The following EGLN1 variants were observed in gnomAD, a reference collection of about 807,000 sequenced individuals.
EGLN1 encodes the protein egl-9 family hypoxia inducible factor 1.
Under a neutral mutation model 38.3 loss-of-function variants are expected in EGLN1, and 17 were observed. The ratio of observed to expected loss-of-function variants is 0.44; its 90% confidence interval spans 0.30 to 0.67. The LOEUF is 0.67. Among genes scored for constraint, EGLN1 ranks in the 30% least tolerant of loss-of-function variants. The pLI is 0.08. For synonymous variants in EGLN1, 283 were observed against 257.5 expected (o/e 1.10, Z -0.95); for missense variants, 477 against 603.3 (o/e 0.79, Z 2.19).
At chr1:231,401,383 A>G (rs1164267632) in intron 1 of EGLN1, among the ~76,000 whole-genome samples, 1 of 152,208 alleles carries the variant, frequency 6.6e-6, no homozygotes, top group African/African-American at 2.4e-5. Flanking sequence ...TTGGTACACA[A>G]TAAGCATTCA....
intron 3 of EGLN1, among the ~76,000 whole-genome samples, chr1:231,368,000 G>C (rs764356613): frequency 1.3e-5 from 2 of 152,010 alleles, no homozygotes; most frequent in Non-Finnish European, 2.9e-5. Context: ...TGGCCAATAG[G>C]GTGAAACCCC....
intron 1 of EGLN1, among the ~76,000 whole-genome samples, chr1:231,399,285 T>A (rs966993128): frequency 1.3e-5 from 2 of 152,128 alleles, no homozygotes; most frequent in Non-Finnish European, 2.9e-5. Flanking sequence ...TATAAAGGAA[T>A]TACCCCTATT....
chr1:231,418,597 T>C (rs1538667), intron 1 of EGLN1, among the ~76,000 whole-genome samples: 22,941 of 152,104 alleles, frequency 0.15, 2,129 homozygotes, highest in African/African-American at 0.25. Flanking sequence ...GGTGAGGTGG[T>C]TCAAGTCTGT....
chr1:231,414,531 G>A (rs1284927027), intron 1 of EGLN1, among the ~76,000 whole-genome samples: 1 of 152,118 alleles, frequency 6.6e-6, no homozygotes, highest in African/African-American at 2.4e-5. Flanking sequence ...AGGGCAAACG[G>A]CTTTAAATAG....
At chr1:231,383,083 A>C (rs943384739) in intron 1 of EGLN1, among the ~76,000 whole-genome samples, 1 of 140,164 alleles carries the variant, frequency 7.1e-6, no homozygotes, top group Non-Finnish European at 1.6e-5. Flanking sequence ...AAAAAAAAAA[A>C]AAAGGTGCTT....
chr1:231,394,544 AATTT>A (rs1196959223), intron 1 of EGLN1, among the ~76,000 whole-genome samples: 1 of 84,248 alleles, frequency 1.2e-5, no homozygotes, highest in Non-Finnish European at 2.8e-5. Flanking sequence ...ACGCCCGACT[AATTT>A]TTTTTTTTTT....
At chr1:231,366,922 G>C (rs567111958) in intron 4 of EGLN1, among the ~76,000 whole-genome samples, 11 of 152,326 alleles carry the variant, frequency 7.2e-5, no homozygotes, top group Non-Finnish European at 7.3e-5. Flanking sequence ...TTTGGAGATA[G>C]AAAGTAGAGT....
At chr1:231,384,331 CAGGAAA>C (rs1319887702) in intron 1 of EGLN1, among the ~76,000 whole-genome samples, 1 of 148,684 alleles carries the variant, frequency 6.7e-6, no homozygotes, top group Non-Finnish European at 1.5e-5. Flanking sequence ...TTTATTCTAG[CAGGAAA>C]AGAAAGAGAA....
intron 1 of EGLN1, among the ~76,000 whole-genome samples, chr1:231,399,125 C>T (rs1688603250): frequency 1.3e-5 from 2 of 152,156 alleles, no homozygotes; most frequent in South Asian, 4.1e-4. Context: ...ATCAACAGTT[C>T]AGTGACGGTA....
At chr1:231,406,590 G>T (rs513913) in intron 1 of EGLN1, among the ~76,000 whole-genome samples, 23,134 of 151,980 alleles carry the variant, frequency 0.15, 2,128 homozygotes, top group African/African-American at 0.24. Flanking sequence ...CTAAAGGCAG[G>T]GAGGGAGCAA....
intron 1 of EGLN1, among the ~76,000 whole-genome samples, chr1:231,384,125 G>C (rs948525557): frequency 1.3e-5 from 2 of 152,062 alleles, no homozygotes; most frequent in Non-Finnish European, 2.9e-5. Flanking sequence ...GCAACAGTAA[G>C]AGTGTGAAAC....
chr1:231,420,913 T>C, intron 1 of EGLN1, 85 bp downstream of exon 1: 1 of 1,611,652 alleles, frequency 6.2e-7, no homozygotes, highest in South Asian at 1.1e-5. Context: ...GGAATGCTGC[T>C]TCTCAGCCTA....
intron 1 of EGLN1, among the ~76,000 whole-genome samples, chr1:231,380,988 T>C (rs1688067391): frequency 6.6e-6 from 1 of 152,148 alleles, no homozygotes; most frequent in Admixed American, 6.6e-5. Context: ...GGCGTGATCA[T>C]GGTTCACTGC....
At chr1:231,407,206 C>A (rs1309175586) in intron 1 of EGLN1, among the ~76,000 whole-genome samples, 4 of 152,152 alleles carry the variant, frequency 2.6e-5, no homozygotes, top group Admixed American at 6.5e-5. Flanking sequence ...TACACTCCAC[C>A]ATGGCCCTCT....
At chr1:231,420,901 G>T in intron 1 of EGLN1, 97 bp downstream of exon 1, 1 of 1,609,568 alleles carries the variant, frequency 6.2e-7, no homozygotes, top group East Asian at 2.2e-5. Context: ...CTTCTATATA[G>T]AGGAATGCTG....
chr1:231,384,827 C>T (rs1267831815), intron 1 of EGLN1, among the ~76,000 whole-genome samples: 1 of 152,232 alleles, frequency 6.6e-6, no homozygotes, highest in Non-Finnish European at 1.5e-5. Flanking sequence ...ATTACATATT[C>T]TCTATGGCTG....
chr1:231,364,542 C>T lies in EGLN1; in HGVS notation c.*1869G>A, dbSNP rs560290409. The T allele has an allele frequency of 6.6e-5, 10 of 152,278 alleles. No homozygotes were observed. Among genetic ancestry groups the T allele is most frequent in the African/African-American group, 1.9e-4 (8 of 41,532 alleles). 9.4% of individuals were successfully genotyped at this position (152,278 alleles called of 1,614,324 possible). On this transcript the variant is annotated 3_prime_UTR_variant, in exon 5 of 5. Transcript: ENST00000366641. The stretch of plus-strand genomic sequence containing the variant: ...CTATCACTTTCTCCTGCAAATTCTC[C>T]TAAGTGAGATCACTATACTGAACAT...
rs1346719057 is a variant in EGLN1, at chr1:231,421,759, T to C, written c.130A>G (p.Lys44Glu). 1.3e-6 allele frequency: 2 copies of C among 1,554,240 alleles called. No individual in the cohort carries two copies. Residue 44 changes from lysine (K) to glutamate (E), a missense_variant, in exon 1 of 5, where the codon AAG becomes GAG. Coordinates refer to ENST00000366641, the MANE Select transcript of EGLN1 (RefSeq NM_022051.3). The surrounding 1 kb of genome is among the most constrained non-coding windows in gnomAD (Gnocchi z 5.5). ...SRCRSSFYCC[K>E]EHQRQDWKKH... ...TTCCAGTCCTGACGCTGGTGCTCCTTGCAGCAGTAGAAGGAGCTGCGGCAG... is the reference window on the plus strand; with the variant it reads ...TTCCAGTCCTGACGCTGGTGCTCCTCGCAGCAGTAGAAGGAGCTGCGGCAG...
At chr1:231,403,433 T>C (rs985369337) in intron 1 of EGLN1, among the ~76,000 whole-genome samples, 4 of 152,076 alleles carry the variant, frequency 2.6e-5, no homozygotes, top group East Asian at 1.9e-4. Context: ...TCAGAAACTA[T>C]ATAAAGTCAT....
Sources: gnomAD v4.1 joint callset for allele counts (sites outside exome capture counted in the v4.1 genomes callset) on GRCh38, gnomAD v4.1.1 for gene constraint, Gnocchi (gnomAD v3.1) non-coding constraint, MANE v1.5 for transcripts, NCBI Gene and HGNC (gene_info 2026-07-23, HGNC 2026-07-21) for gene names.